KSR2: variants seen among roughly 807,000 people sequenced by gnomAD.
KSR2 encodes kinase suppressor of ras 2.
A neutral mutation model predicts 107.8 loss-of-function variants in KSR2; 25 were observed. That is an observed-to-expected ratio of 0.23 (90% CI 0.17 to 0.32). The LOEUF (loss-of-function observed/expected upper bound fraction) is 0.32, where lower values mean the gene tolerates loss of function less well. KSR2 is among the 10% of genes least tolerant of loss of function. KSR2 has a pLI of 1.00. For missense variants in KSR2, 887 were observed against 1,268.9 expected, an observed-to-expected ratio of 0.70 and a Z score of 4.57; for synonymous variants, 480 against 507.0, an observed-to-expected ratio of 0.95 and a Z score of 0.71.
chr12:117,485,736 A>G (rs888487706), intron 14 of KSR2, 45 bp from the exon 15 acceptor site: 3 of 1,347,300 alleles, frequency 2.2e-6, no homozygotes, highest in Non-Finnish European at 3.2e-6. Flanking sequence ...GTCGTTCAGA[A>G]GAAGGTGACC....
At chr12:117,793,406 CACA>C (rs1434448591) in intron 3 of KSR2, among the ~76,000 whole-genome samples, 2 of 150,010 alleles carry the variant, frequency 1.3e-5, no homozygotes, top group Non-Finnish European at 3.0e-5. Flanking sequence ...CCAACATGCA[CACA>C]TACACACCAA....
In KSR2 at chr12:117,567,995, TCTAG is replaced by T. The variant is rs1192152824; in HGVS notation, c.1326-9426_1326-9423del. Among the ~76,000 whole-genome samples, 4 of 152,108 alleles carry T rather than the reference TCTAG, an allele frequency of 2.6e-5. No homozygotes were observed. The East Asian group carries it at 7.7e-4, about 29-fold the overall frequency. Reference sequence around the variant, plus strand: ...CCTCACTGCTAACAACTCAGTGGGGTCTAGCTCTTTAGCCTATAGCTAACCACAA... The same window carrying T: ...CCTCACTGCTAACAACTCAGTGGGGTCTCTTTAGCCTATAGCTAACCACAA... On this transcript the variant is annotated intron_variant, in intron 7 of 19. Transcript: ENST00000339824.
rs1211732097 is a variant in KSR2 at position 117,458,610 on chromosome 12, C to T, written c.*8589G>A. 6.6e-6 allele frequency: 1 copy of T among 152,128 alleles called. No individual in the cohort carries two copies. Among genetic ancestry groups the T allele is most frequent in the Non-Finnish European group, 1.5e-5 (1 of 68,042 alleles). 9.4% of individuals were successfully genotyped at this position (152,128 alleles called of 1,614,324 possible). On this transcript the variant is annotated 3_prime_UTR_variant, in exon 20 of 20. Transcript: ENST00000339824. The stretch of plus-strand genomic sequence containing the variant: ...ATCTCTACAATTGTGCAACTTTCTC[C>T]TCAGTTTACAATACAGGGGAGATAT...
At chr12:117,878,365 G>A (rs761104977) in intron 1 of KSR2, among the ~76,000 whole-genome samples, 8 of 152,162 alleles carry the variant, frequency 5.3e-5, no homozygotes, top group South Asian at 2.1e-4. Flanking sequence ...ATCATTCACC[G>A]GGGGCCAAGC....
intron 4 of KSR2, among the ~76,000 whole-genome samples, chr12:117,701,498 A>G (rs982756074): frequency 6.6e-6 from 1 of 152,136 alleles, no homozygotes; most frequent in African/African-American, 2.4e-5. Flanking sequence ...CTTTAGCATC[A>G]TCTCTGTAGT....
chr12:117,706,639 G>T (rs1382804898), intron 4 of KSR2, among the ~76,000 whole-genome samples: 1 of 151,910 alleles, frequency 6.6e-6, no homozygotes, highest in Non-Finnish European at 1.5e-5. Context: ...ATCTTTTCAG[G>T]GTGACAGACA....
chr12:117,946,449 G>A (rs1460245889), intron 1 of KSR2, among the ~76,000 whole-genome samples: 2 of 151,976 alleles, frequency 1.3e-5, no homozygotes, highest in Non-Finnish European at 2.9e-5. Context: ...GAATACTGGG[G>A]ACAACTCTAT....
chr12:117,718,392 T>C (rs1887079660), intron 4 of KSR2, among the ~76,000 whole-genome samples: 1 of 152,216 alleles, frequency 6.6e-6, no homozygotes, highest in Admixed American at 6.5e-5. Flanking sequence ...GACAAGTCAC[T>C]CCAGTTGGAA....
chr12:117,934,163 C>T (rs1338877126), intron 1 of KSR2, among the ~76,000 whole-genome samples: 2 of 152,138 alleles, frequency 1.3e-5, no homozygotes, highest in Non-Finnish European at 1.5e-5. Flanking sequence ...TCTATTGTAT[C>T]CTCCAGCCAA....
At chr12:117,503,028 T>C (rs777837504) in intron 14 of KSR2, among the ~76,000 whole-genome samples, 5 of 151,468 alleles carry the variant, frequency 3.3e-5, no homozygotes, top group East Asian at 3.9e-4. Context: ...TGGAGAAAAA[T>C]TGAAGCCAGG....
intron 14 of KSR2, among the ~76,000 whole-genome samples, chr12:117,497,685 G>A (rs1488660557): frequency 9.9e-5 from 15 of 152,208 alleles, no homozygotes. Flanking sequence ...AACCACCTGA[G>A]ATAATCCGCC....
intron 9 of KSR2, among the ~76,000 whole-genome samples, chr12:117,544,752 C>G (rs534254111): frequency 3.9e-4 from 60 of 152,136 alleles, no homozygotes; most frequent in African/African-American, 1.3e-3. Flanking sequence ...CTTTGGGATT[C>G]TCTACATGGA....
In KSR2 at chr12:117,526,944, C is replaced by A. The variant is rs1019370827; in HGVS notation, c.1851+127G>T. The A allele has an allele frequency of 8.2e-6, 6 of 728,504 alleles. No individual in the cohort carries two copies. In the African/African-American group the frequency reaches 1.1e-4, roughly 13 times the overall value. The allele number at this position is 728,504 out of a possible 1,614,324, so 45.1% of individuals were successfully genotyped here. On this transcript the variant is annotated intron_variant, in intron 13 of 19. Transcript: ENST00000339824. Reference sequence around the variant, plus strand: ...CTAATTGTCCCAGAGTTAGAATATCCATCAGTCAGGGCCACCACAGCCCCC... The same window carrying A: ...CTAATTGTCCCAGAGTTAGAATATCAATCAGTCAGGGCCACCACAGCCCCC...
At chr12:117,640,499 C>A (rs533110392) in intron 5 of KSR2, among the ~76,000 whole-genome samples, 2 of 152,302 alleles carry the variant, frequency 1.3e-5, no homozygotes, top group African/African-American at 2.4e-5. Context: ...GATCCACTCG[C>A]CTTGGCCTCC....
rs1191718641 is a variant in KSR2 at position 117,476,590 on chromosome 12, T to C, written c.2456A>G (p.Glu819Gly). The C allele has an allele frequency of 1.9e-6, 3 of 1,610,334 alleles. 1 individual carries two copies. The East Asian group carries it at 6.7e-5, about 36-fold the overall frequency. The change falls in exon 17 of 20, where the codon GAG (glutamate) becomes GGG (glycine). Residue 819 changes from glutamate to glycine, a missense_variant. Physicochemically the swap from Glu to Gly is moderately conservative, Grantham distance 98. This residue lies in a region of KSR2 where 308 missense variants were observed against 506.2 expected (regional missense o/e 0.61). Coordinates refer to ENST00000339824, the MANE Select transcript of KSR2 (RefSeq NM_173598.6). Reference sequence around the variant, plus strand: ...GCCATTCTGGATGCGCAGTTTGTCCTCCCGCCTGGAGAAGCAAAGCACAGG... The same window carrying C: ...GCCATTCTGGATGCGCAGTTTGTCCCCCCGCCTGGAGAAGCAAAGCACAGG... ...ISGVLQAGRR[E>G]DKLRIQNGWL... is the part of the protein sequence containing the mutation.
chr12:117,954,890 G>A (rs750637825), intron 1 of KSR2, among the ~76,000 whole-genome samples: 2 of 151,844 alleles, frequency 1.3e-5, no homozygotes, highest in Non-Finnish European at 2.9e-5. Context: ...GGTGGCATGT[G>A]CCTGTAATCC....
intron 4 of KSR2, among the ~76,000 whole-genome samples, chr12:117,689,495 T>C (rs1210394651): frequency 6.6e-6 from 1 of 152,214 alleles, no homozygotes; most frequent in Non-Finnish European, 1.5e-5. Context: ...CGATTCTGCC[T>C]TTACAAAAGC....
intron 1 of KSR2, among the ~76,000 whole-genome samples, chr12:117,903,712 A>T (rs1894757922): frequency 6.6e-6 from 1 of 152,256 alleles, no homozygotes; most frequent in Non-Finnish European, 1.5e-5. Context: ...CATTTAAAAA[A>T]TAAGCCTTTG....
chr12:117,736,241 T>C (rs1311929621), intron 4 of KSR2, among the ~76,000 whole-genome samples: 1 of 152,196 alleles, frequency 6.6e-6, no homozygotes, highest in Non-Finnish European at 1.5e-5. Flanking sequence ...TCCCTTCTGC[T>C]CAGGGAAATG....
Sources: allele counts gnomAD v4.1 joint callset (sites outside exome capture counted in the v4.1 genomes callset), GRCh38; gene constraint gnomAD v4.1.1; regional missense constraint gnomAD v4.1.1; transcripts MANE v1.5; gene names NCBI Gene and HGNC (gene_info 2026-07-23, HGNC 2026-07-21).